TTBK1: variants seen among roughly 807,000 people sequenced by gnomAD.
The protein encoded by TTBK1 is tau-tubulin kinase 1.
Under a neutral mutation model 108.5 loss-of-function variants are expected in TTBK1, and 34 were observed. The ratio of observed to expected loss-of-function variants is 0.31; its 90% confidence interval spans 0.24 to 0.42. TTBK1 has a LOEUF of 0.42. Among genes scored for constraint, TTBK1 ranks in the 10% least tolerant of loss-of-function variants. The pLI is 1.00. For missense variants in TTBK1, 1,539 were observed against 1,826.0 expected, an observed-to-expected ratio of 0.84 and a Z score of 2.86; for synonymous variants, 809 against 795.1, an observed-to-expected ratio of 1.02 and a Z score of -0.29.
In TTBK1 at chr6:43,282,821, A is replaced by G. The variant is rs1329693566; in HGVS notation, c.2081A>G (p.Asp694Gly). The G allele has an allele frequency of 1.3e-5, 21 of 1,613,758 alleles. No homozygotes were observed. Among genetic ancestry groups the G allele is most frequent in the Non-Finnish European group, 1.7e-5 (20 of 1,179,992 alleles). ...CAGGACTTCAAAAGAGACCTCTCCG[A>G]TTACCGAGAACGGGCGCGGTTGCTC... ...PYQDFKRDLS[D>G]YRERARLLNR... The change falls in exon 14 of 15, where the codon GAT becomes GGT. Residue 694 changes from aspartate to glycine, a missense_variant. Coordinates refer to ENST00000259750, the MANE Select transcript of TTBK1 (RefSeq NM_032538.3). The surrounding 1 kb of genome is among the most constrained non-coding windows in gnomAD (Gnocchi z 5.4).
At chr6:43,256,102 T>TTGA (rs1388470146) in intron 9 of TTBK1, among the ~76,000 whole-genome samples, 1 of 152,064 alleles carries the variant, frequency 6.6e-6, no homozygotes, top group Non-Finnish European at 1.5e-5. Context: ...AAGCAAGCCT[T>TTGA]TGATGATGAT....
chr6:43,246,279 G>A (rs1264889791), intron 1 of TTBK1, among the ~76,000 whole-genome samples: 1 of 152,214 alleles, frequency 6.6e-6, no homozygotes, highest in African/African-American at 2.4e-5. Context: ...ACAAGGGAAA[G>A]GGTCCCAGTC....
In TTBK1 at chr6:43,285,083, G is replaced by A. The variant is rs1485842148; in HGVS notation, c.3673G>A (p.Ala1225Thr). The change falls in exon 15 of 15, where the codon GCC becomes ACC. Residue 1225 changes from alanine to threonine, a missense_variant. Physicochemically the swap from Ala to Thr is moderately conservative, Grantham distance 58 (BLOSUM62 0). Around this residue, in one of 5 missense-constraint regions of TTBK1, gnomAD observed 1,055 missense variants for 1,086.5 expected, o/e 0.97. Transcript: ENST00000259750. The surrounding 1 kb of genome is among the most constrained non-coding windows in gnomAD (Gnocchi z 4.7). Reference protein sequence around the residue: ...GLGPGRAQAGARPPAPRSPRL... With the variant: ...GLGPGRAQAGTRPPAPRSPRL... ...GGGCCCAGGGCGAGCCCAAGCCGGA[G>A]CCAGGCCCCCAGCGCCGCGCAGCCC... is the stretch of plus-strand genomic sequence containing the variant. The A allele has an allele frequency of 3.4e-6, 5 of 1,488,774 alleles. No individual in the cohort carries two copies. The highest frequency in any genetic ancestry group is 4.4e-6 in the Non-Finnish European group (5 of 1,127,580). The allele number at this position is 1,488,774 out of a possible 1,614,324, so 92.2% of individuals were successfully genotyped here.
At chr6:43,262,459 C>T (rs1777566812) in intron 12 of TTBK1, among the ~76,000 whole-genome samples, 1 of 152,090 alleles carries the variant, frequency 6.6e-6, no homozygotes, top group South Asian at 2.1e-4. Context: ...ATTAGCTTCC[C>T]TAGGGTGGCC....
intron 13 of TTBK1, among the ~76,000 whole-genome samples, chr6:43,267,033 G>GTGTT (rs1424754452): frequency 4.0e-5 from 6 of 151,240 alleles, no homozygotes; most frequent in African/African-American, 1.5e-4. Context: ...GTGTGTGTGT[G>GTGTT]TGTGTGTGTG....
intron 13 of TTBK1, among the ~76,000 whole-genome samples, chr6:43,281,534 G>A (rs545561894): frequency 6.6e-5 from 10 of 152,134 alleles, no homozygotes; most frequent in Non-Finnish European, 1.3e-4. Flanking sequence ...AGAACAGGCC[G>A]GTGGCTGGGG....
At chr6:43,270,460 C>CGTGTGTGT (rs1777802950) in intron 13 of TTBK1, 1 of 746,318 alleles carries the variant, frequency 1.3e-6, no homozygotes. Flanking sequence ...TGTGTGTGTC[C>CGTGTGTGT]CTGTGTATGG....
At chr6:43,260,547 C>T (rs954211276) in intron 12 of TTBK1, among the ~76,000 whole-genome samples, 9 of 152,210 alleles carry the variant, frequency 5.9e-5, no homozygotes, top group African/African-American at 1.9e-4. Flanking sequence ...CACACTCACA[C>T]AGGTTGGCTT....
At chr6:43,278,025 A>G (rs953696024) in intron 13 of TTBK1, among the ~76,000 whole-genome samples, 2 of 152,120 alleles carry the variant, frequency 1.3e-5, no homozygotes, top group Admixed American at 6.5e-5. Context: ...TCCCAGCCCC[A>G]CATCTTGGAC....
At chr6:43,258,103 T>A in intron 10 of TTBK1, 137 bp downstream of exon 10, 16 of 1,003,202 alleles carry the variant, frequency 1.6e-5, no homozygotes, top group Non-Finnish European at 2.2e-5. Flanking sequence ...TCTGGGACTT[T>A]GGGAAACTCT....
At position 43,253,248 on chromosome 6, in the gene TTBK1, A is replaced by G. The variant is rs1777293518; in HGVS notation, c.257-43A>G. On this transcript the variant is annotated intron_variant, in intron 3 of 14. Coordinates refer to ENST00000259750, the MANE Select transcript of TTBK1 (RefSeq NM_032538.3). This position sits in a 1 kb window ranked among gnomAD's most constrained non-coding sequence, Gnocchi z 5.8. ...ACCCATCTTAGGGTTGGAAATGAGGAAGAAAGAGTAAGAGCTGGAAGACCT... is the reference window on the plus strand; with the variant it reads ...ACCCATCTTAGGGTTGGAAATGAGGGAGAAAGAGTAAGAGCTGGAAGACCT... 6.2e-7 allele frequency: 1 copy of G among 1,605,378 alleles called. No individual in the cohort carries two copies.
Position 43,259,479 on chromosome 6 carries a change from C to T in TTBK1, c.1249-52C>T, listed in dbSNP as rs558471267. ...TCTCCTTCACCCTGAGGAGACCATC[C>T]GCCCACAGCCGCCTCATCAGCCCCA... is the stretch of plus-strand genomic sequence containing the variant. On this transcript the variant is annotated intron_variant, in intron 11 of 14. Coordinates refer to ENST00000259750, the MANE Select transcript of TTBK1 (RefSeq NM_032538.3). This position sits in a 1 kb window ranked among gnomAD's most constrained non-coding sequence, Gnocchi z 6.7. The T allele has an allele frequency of 2.4e-5, 36 of 1,503,838 alleles. No individual in the cohort carries two copies. In the South Asian group the frequency reaches 2.6e-4, roughly 11 times the overall value. 93.2% of individuals were successfully genotyped at this position (1,503,838 alleles called of 1,614,324 possible).
chr6:43,283,255 G>A lies in TTBK1; in HGVS notation c.2515G>A (p.Val839Ile). ...GGAGGGCTCCAAAACGCTGGTGCTT[G>A]TCTCTCCTGGCGACATGAAGAAGTC... The part of the protein sequence containing the change: ...PEEGSKTLVL[V>I]SPGDMKKSPV... The change falls in exon 14 of 15, where the codon GTC (valine) becomes ATC (isoleucine). Residue 839 changes from valine (V) to isoleucine (I), a missense_variant. Physicochemically the swap from Val to Ile is conservative, Grantham distance 29. Around this residue, in one of 5 missense-constraint regions of TTBK1, gnomAD observed 1,055 missense variants for 1,086.5 expected, o/e 0.97. Transcript: ENST00000259750. The surrounding 1 kb of genome is among the most constrained non-coding windows in gnomAD (Gnocchi z 8.1). 2 of 1,554,272 alleles carry A rather than the reference G, an allele frequency of 1.3e-6. No individual in the cohort carries two copies. The highest frequency in any genetic ancestry group is 1.7e-6 in the Non-Finnish European group (2 of 1,149,222).
chr6:43,269,681 G>A lies in TTBK1; in HGVS notation c.1986+6331G>A. On this transcript the variant is annotated intron_variant, in intron 13 of 14. Transcript: ENST00000259750. The surrounding 1 kb of genome is among the most constrained non-coding windows in gnomAD (Gnocchi z 4.8). ...GACTCTCGGGGCACTCCCTCCCGCG[G>A]TACAGCCCCCTGCGACGACTGGCGT... The A allele has an allele frequency of 6.2e-7, 1 of 1,611,406 alleles. No individual in the cohort carries two copies. Among genetic ancestry groups the A allele is most frequent in the East Asian group, 2.2e-5 (1 of 44,868 alleles).
In TTBK1 at chr6:43,263,257, G is replaced by GC. The variant is rs1290874567; in HGVS notation, c.1899dup (p.Thr634HisfsTer38). Reference sequence around the variant, plus strand: ...GCGATGGCCGTTCCGAGACGTCACAGCCCCCCACGCCTGGCAGCCCTTCCC... The same window carrying GC: ...GCGATGGCCGTTCCGAGACGTCACAGCCCCCCCACGCCTGGCAGCCCTTCCC... On this transcript the variant is annotated frameshift_variant, in exon 13 of 15. Transcript: ENST00000259750. LOFTEE classifies it high-confidence loss of function. This position sits in a 1 kb window ranked among gnomAD's most constrained non-coding sequence, Gnocchi z 4.7. The GC allele has an allele frequency of 1.3e-6, 2 of 1,544,406 alleles. No homozygotes were observed. The highest frequency in any genetic ancestry group is 2.4e-5 in the East Asian group (1 of 41,776).
chr6:43,285,442 T>C lies in TTBK1; in HGVS notation c.*66T>C, dbSNP rs1582530543. On this transcript the variant is annotated 3_prime_UTR_variant, in exon 15 of 15. Coordinates refer to ENST00000259750, the MANE Select transcript of TTBK1 (RefSeq NM_032538.3). This position sits in a 1 kb window ranked among gnomAD's most constrained non-coding sequence, Gnocchi z 4.7. ...GCCCCCCACCCGCAGCCGGCCACAC[T>C]GGAGCAGCTCCCAGCACAGCCTTAC... 1 of 1,091,062 alleles carries C rather than the reference T, an allele frequency of 9.2e-7. No individual in the cohort carries two copies. Among genetic ancestry groups the C allele is most frequent in the Non-Finnish European group, 1.1e-6 (1 of 876,776 alleles). The allele number at this position is 1,091,062 out of a possible 1,614,324, so 67.6% of individuals were successfully genotyped here.
Position 43,262,204 on chromosome 6 carries a change from AC to A in TTBK1, c.1425-583del, listed in dbSNP as rs567640780. ...AGGCTGTGAGAGGCCTTGAGTGTAA[AC>A]CAAGGAATGTGGACTTTGTTGTTGG... On this transcript the variant is annotated intron_variant, in intron 12 of 14. Transcript: ENST00000259750. 3.4e-3 allele frequency among the ~76,000 whole-genome samples: 521 copies of A among 152,244 alleles called. 5 individuals carry two copies. Among genetic ancestry groups the A allele is most frequent in the South Asian group, 0.021 (103 of 4,818 alleles).
In TTBK1 at chr6:43,269,812, C is replaced by T. The variant is rs1413902017; in HGVS notation, c.1986+6462C>T. 5 of 1,545,676 alleles carry T rather than the reference C, an allele frequency of 3.2e-6. No homozygotes were observed. The highest frequency in any genetic ancestry group is 2.4e-5 in the East Asian group (1 of 41,322). ...TCCCTCATTCAGCGCAGCCGCTCGG[C>T]TGAGAGCAGCCCTGTGCGGGCGCCC... On this transcript the variant is annotated intron_variant, in intron 13 of 14. Coordinates refer to ENST00000259750, the MANE Select transcript of TTBK1 (RefSeq NM_032538.3). The surrounding 1 kb of genome is among the most constrained non-coding windows in gnomAD (Gnocchi z 4.8).
intron 13 of TTBK1, among the ~76,000 whole-genome samples, chr6:43,267,043 GT>G (rs1412944523): frequency 7.3e-6 from 1 of 137,864 alleles, no homozygotes; most frequent in East Asian, 2.1e-4. Context: ...GTGTGTGTGT[GT>G]GTGTGTGTTC....
Sources: gnomAD v4.1 joint callset for allele counts (sites outside exome capture counted in the v4.1 genomes callset) on GRCh38, gnomAD v4.1.1 for gene constraint, gnomAD v4.1.1 regional missense constraint, Gnocchi (gnomAD v3.1) non-coding constraint, MANE v1.5 for transcripts, NCBI Gene and HGNC (gene_info 2026-07-23, HGNC 2026-07-21) for gene names.